Variants in DMXL1 observed in about 807,000 individuals in gnomAD.
DMXL1 encodes Dmx like 1, also known as dmX-like protein 1.
A neutral mutation model predicts 319.2 loss-of-function variants in DMXL1; 99 were observed. That is an observed-to-expected ratio of 0.31 (90% confidence interval 0.26 to 0.37). DMXL1 has a LOEUF of 0.37. Ranked by LOEUF, DMXL1 falls within the 10% of genes least tolerant of loss-of-function variation. The pLI, the probability that DMXL1 is intolerant of heterozygous loss-of-function variation, is 1.00. For missense variants in DMXL1, 3,745 were observed against 3,595.6 expected (o/e 1.04, Z -1.06); for synonymous variants, 1,385 against 1,235.2 (o/e 1.12, Z -2.54).
At chr5:119,200,288 A>G (rs79955896) in intron 32 of DMXL1, among the ~76,000 whole-genome samples, 1 of 152,106 alleles carries the variant, frequency 6.6e-6, no homozygotes, top group Non-Finnish European at 1.5e-5. Flanking sequence ...AATCTTCTGC[A>G]TTTGGCTAGC....
Position 119,167,842 on chromosome 5 carries a change from G to A in DMXL1, c.5376G>A (p.Lys1792=), listed in dbSNP as rs768321005. 3.1e-6 allele frequency: 5 copies of A among 1,612,536 alleles called. No homozygotes were observed. The East Asian group carries it at 1.1e-4, about 36-fold the overall frequency. ...GTGGTGCTCTGGAAACATTAATAAA[G>A]CAACCTATCAGAGAGAATGATGGTA... ...DYSGALETLI[K]QPIRENDDQV... Residue 1792 remains lysine (K), a synonymous_variant, in exon 23 of 44, where the codon AAG becomes AAA. Transcript: ENST00000539542.
At chr5:119,173,800 TGA>T (rs1775232955) in intron 25 of DMXL1, among the ~76,000 whole-genome samples, 1 of 47,692 alleles carries the variant, frequency 2.1e-5, no homozygotes, top group South Asian at 8.0e-4. Flanking sequence ...ATATATATAA[TGA>T]GAGAGAGATT....
chr5:119,132,405 G>A (rs1331245611), intron 10 of DMXL1, among the ~76,000 whole-genome samples: 1 of 152,184 alleles, frequency 6.6e-6, no homozygotes, highest in Non-Finnish European at 1.5e-5. Flanking sequence ...ACTTGGCCGG[G>A]CACAGTGGCT....
chr5:119,141,692 A>C (rs368695917), intron 13 of DMXL1, among the ~76,000 whole-genome samples: 1 of 152,132 alleles, frequency 6.6e-6, no homozygotes, highest in South Asian at 2.1e-4. Flanking sequence ...AGTATGGCCC[A>C]AAAATTTACA....
At chr5:119,154,897 A>T (rs774471541) in intron 19 of DMXL1, among the ~76,000 whole-genome samples, 13 of 152,238 alleles carry the variant, frequency 8.5e-5, no homozygotes, top group African/African-American at 3.1e-4. Flanking sequence ...GTTGAAGCCA[A>T]TGCCCATTTA....
At chr5:119,205,985 C>G (rs115609409) in intron 33 of DMXL1, among the ~76,000 whole-genome samples, 37 of 152,112 alleles carry the variant, frequency 2.4e-4, no homozygotes, top group African/African-American at 7.2e-4. Flanking sequence ...ACTGCTCTTT[C>G]TTTATTTCTT....
At chr5:119,113,744 T>A (rs950457444) in intron 5 of DMXL1, among the ~76,000 whole-genome samples, 1 of 152,242 alleles carries the variant, frequency 6.6e-6, no homozygotes, top group African/African-American at 2.4e-5. Flanking sequence ...TTTATCTACC[T>A]GTATCAACTT....
intron 39 of DMXL1, chr5:119,236,526 C>A (rs1292312755): frequency 6.6e-6 from 1 of 151,772 alleles, no homozygotes; most frequent in African/African-American, 2.4e-5. Flanking sequence ...TGTGTAATTA[C>A]CTGGGAAAGA....
At chr5:119,177,163 T>G (rs1775959936) in intron 26 of DMXL1, among the ~76,000 whole-genome samples, 194 bp from the exon 27 acceptor site, 1 of 152,168 alleles carries the variant, frequency 6.6e-6, no homozygotes, top group African/African-American at 2.4e-5. Context: ...AAATGTGTTT[T>G]AATTTAGAAA....
chr5:119,224,678 T>C, intron 37 of DMXL1, 31 bp from the exon 38 acceptor site: 1 of 813,214 alleles, frequency 1.2e-6, no homozygotes, highest in Non-Finnish European at 1.9e-6. Context: ...CTTTTTATTA[T>C]GCCTATAAAA....
chr5:119,196,879 A>T (rs1186005653), intron 31 of DMXL1, among the ~76,000 whole-genome samples: 2 of 152,214 alleles, frequency 1.3e-5, no homozygotes, highest in Non-Finnish European at 2.9e-5. Flanking sequence ...ATGATAAGGT[A>T]AACACAAAAA....
At position 119,150,311 on chromosome 5, in the gene DMXL1, A is replaced by G; in HGVS notation, c.4484A>G (p.His1495Arg). The change falls in exon 18 of 44, where the codon CAT (histidine) becomes CGT (arginine). Residue 1495 changes from histidine (H) to arginine (R), a missense_variant. This residue lies in a region of DMXL1 where 2,096 missense variants were observed against 1,985.4 expected (regional missense o/e 1.06). Transcript: ENST00000539542. Reference protein sequence around the residue: ...HAQVLSGHLLHSSLPGLSRME... With the variant: ...HAQVLSGHLLRSSLPGLSRME... ...CAGGTTCTTTCTGGCCACTTACTTC[A>G]TTCTAGTTTACCAGGACTCAGCCGG... is the stretch of plus-strand genomic sequence containing the variant. The G allele has an allele frequency of 6.2e-7, 1 of 1,613,816 alleles. No individual in the cohort carries two copies. The highest frequency in any genetic ancestry group is 8.5e-7 in the Non-Finnish European group (1 of 1,179,854).
chr5:119,082,014 TATATATAC>T (rs1383833668), intron 1 of DMXL1, among the ~76,000 whole-genome samples: 65 of 73,076 alleles, frequency 8.9e-4, no homozygotes, highest in African/African-American at 2.8e-3. Flanking sequence ...TATATATATA[TATATATAC>T]ACACACACAC....
At chr5:119,087,146 T>A (rs1753558578) in intron 1 of DMXL1, among the ~76,000 whole-genome samples, 2 of 151,394 alleles carry the variant, frequency 1.3e-5, no homozygotes, top group Non-Finnish European at 2.9e-5. Context: ...TCATTGATCT[T>A]TTTTTTTGTC....
At chr5:119,075,961 A>C (rs1750750789) in intron 1 of DMXL1, among the ~76,000 whole-genome samples, 1 of 152,226 alleles carries the variant, frequency 6.6e-6, no homozygotes, top group Non-Finnish European at 1.5e-5. Flanking sequence ...TATAGATTCT[A>C]CTTTTATGCA....
intron 25 of DMXL1, among the ~76,000 whole-genome samples, chr5:119,172,173 AG>A (rs1176370008): frequency 6.6e-6 from 1 of 152,164 alleles, no homozygotes; most frequent in Non-Finnish European, 1.5e-5. Flanking sequence ...CACCCGGTAG[AG>A]TTCTTGAATT....
rs1784570944 is a variant in DMXL1, at chr5:119,221,098, A to G, written c.8277+17A>G. On this transcript the variant is annotated intron_variant, in intron 37 of 43. Coordinates refer to ENST00000539542, the MANE Select transcript of DMXL1 (RefSeq NM_001290321.3). ...GCATCTGTGGTATGTAAAGTTAAAAATAAATTTAAGTTATATGTAACTTTT... is the reference window on the plus strand; with the variant it reads ...GCATCTGTGGTATGTAAAGTTAAAAGTAAATTTAAGTTATATGTAACTTTT... 2.5e-6 allele frequency: 4 copies of G among 1,573,860 alleles called. No homozygotes were observed. Among genetic ancestry groups the G allele is most frequent in the Non-Finnish European group, 3.5e-6 (4 of 1,158,058 alleles).
At chr5:119,093,362 C>A (rs1220317969) in intron 1 of DMXL1, among the ~76,000 whole-genome samples, 2 of 152,096 alleles carry the variant, frequency 1.3e-5, no homozygotes, top group Non-Finnish European at 2.9e-5. Flanking sequence ...TCTTGAACTC[C>A]TGACCTCAAG....
At chr5:119,121,244 C>T in intron 9 of DMXL1, 105 bp downstream of exon 9, 1 of 845,988 alleles carries the variant, frequency 1.2e-6, no homozygotes. Flanking sequence ...TTGGAGGTGA[C>T]TGTCTTAGCC....
Sources: gnomAD v4.1 joint callset for allele counts (sites outside exome capture counted in the v4.1 genomes callset) on GRCh38, gnomAD v4.1.1 for gene constraint, gnomAD v4.1.1 regional missense constraint, MANE v1.5 for transcripts, NCBI Gene and HGNC (gene_info 2026-07-23, HGNC 2026-07-21) for gene names.